Variants in DCC observed in about 807,000 individuals in gnomAD.
The protein encoded by DCC is DCC netrin 1 receptor.
Under a neutral mutation model 172.5 loss-of-function variants are expected in DCC, and 58 were observed. The observed-to-expected ratio is 0.34, with a 90% confidence interval of 0.27 to 0.42. The LOEUF (loss-of-function observed/expected upper bound fraction) is 0.42, where lower values mean the gene tolerates loss of function less well. DCC is among the 10% of genes least tolerant of loss of function. The pLI, the probability that DCC is intolerant of heterozygous loss-of-function variation, is 1.00. For missense variants in DCC, 1,740 were observed against 1,791.0 expected (o/e 0.97, Z 0.51); for synonymous variants, 709 against 644.5 (o/e 1.10, Z -1.52).
At chr18:52,798,084 T>TTGCACGAAGGTTGCTTGC (rs1555664365) in intron 2 of DCC, among the ~76,000 whole-genome samples, 2 of 152,166 alleles carry the variant, frequency 1.3e-5, no homozygotes, top group South Asian at 2.1e-4. Context: ...GCACAAAGGC[T>TTGCACGAAGGTTGCTTGC]ACACATAGCA....
At chr18:53,339,953 T>C (rs1230420674) in intron 15 of DCC, 46 bp downstream of exon 15, 2 of 1,531,964 alleles carry the variant, frequency 1.3e-6, no homozygotes, top group Admixed American at 3.5e-5. Flanking sequence ...GAATTAATGA[T>C]TTATTTTGAA....
chr18:52,934,471 A>C (rs914221160), intron 5 of DCC, among the ~76,000 whole-genome samples: 1 of 152,108 alleles, frequency 6.6e-6, no homozygotes, highest in African/African-American at 2.4e-5. Context: ...GATCACTCAA[A>C]CCCTTAGATT....
intron 12 of DCC, among the ~76,000 whole-genome samples, chr18:53,239,277 T>G (rs1338499105): frequency 6.7e-6 from 1 of 149,860 alleles, no homozygotes; most frequent in East Asian, 1.9e-4. Context: ...ATTTTATAGT[T>G]ACAGAAACTG....
intron 1 of DCC, among the ~76,000 whole-genome samples, chr18:52,377,620 T>C (rs1270596478): frequency 7.0e-6 from 1 of 143,006 alleles, no homozygotes; most frequent in East Asian, 2.1e-4. Flanking sequence ...TTGCCACCCA[T>C]TGCAACAATT....
chr18:52,542,959 G>T lies in DCC; in HGVS notation c.91+202081G>T, dbSNP rs116395450. Reference sequence around the variant, plus strand: ...ATGTGTTAAATGCTATTGAATATTCGAAGCTGGGCTTAACCTGCCCTTTAG... The same window carrying T: ...ATGTGTTAAATGCTATTGAATATTCTAAGCTGGGCTTAACCTGCCCTTTAG... On this transcript the variant is annotated intron_variant, in intron 1 of 28. Coordinates refer to ENST00000442544, the MANE Select transcript of DCC (RefSeq NM_005215.4). Among the ~76,000 whole-genome samples, 363 of 152,288 alleles carry T rather than the reference G, an allele frequency of 2.4e-3. 1 individual carries two copies. The highest frequency in any genetic ancestry group is 8.5e-3 in the African/African-American group (354 of 41,564).
intron 7 of DCC, among the ~76,000 whole-genome samples, chr18:53,118,776 T>A (rs1357792555): frequency 6.6e-6 from 1 of 151,760 alleles, no homozygotes; most frequent in East Asian, 1.9e-4. Flanking sequence ...ATGACTGACA[T>A]TAACAGTTCA....
chr18:52,945,227 C>T (rs1277247591), intron 5 of DCC, among the ~76,000 whole-genome samples: 1 of 151,980 alleles, frequency 6.6e-6, no homozygotes, highest in African/African-American at 2.4e-5. Context: ...TAGGTTTTAA[C>T]AAGAAAAAAT....
chr18:52,652,737 T>TGTGTGTGTGTGTGTGTGTGG lies in DCC; in HGVS notation c.92-99314_92-99313insTGTGTGTGTGTGTGTGGGTG, dbSNP rs971665914. ...GTGTGTGTGTGTGTGTGTGTGTGTG[T>TGTGTGTGTGTGTGTGTGTGG]GTGGGTGGAGGAGGAGTGGTTTGAT... On this transcript the variant is annotated intron_variant, in intron 1 of 28. Transcript: ENST00000442544. 4.0e-5 allele frequency among the ~76,000 whole-genome samples: 6 copies of TGTGTGTGTGTGTGTGTGTGG among 151,830 alleles called. No homozygotes were observed. The South Asian group carries it at 1.3e-3, about 32-fold the overall frequency.
At chr18:52,564,751 A>C (rs1384342610) in intron 1 of DCC, among the ~76,000 whole-genome samples, 2 of 151,880 alleles carry the variant, frequency 1.3e-5, no homozygotes, top group Non-Finnish European at 2.9e-5. Flanking sequence ...GTATACAAAT[A>C]CATAAAATTT....
intron 7 of DCC, among the ~76,000 whole-genome samples, chr18:53,096,252 T>G (rs2043086718): frequency 6.6e-6 from 1 of 152,152 alleles, no homozygotes; most frequent in South Asian, 2.1e-4. Flanking sequence ...GGCAGGAAGA[T>G]CGCTTGAGCC....
At chr18:53,103,195 A>G (rs188164292) in intron 7 of DCC, among the ~76,000 whole-genome samples, 1 of 152,036 alleles carries the variant, frequency 6.6e-6, no homozygotes, top group Non-Finnish European at 1.5e-5. Flanking sequence ...ACATAATTAC[A>G]TGATCATAAC....
intron 27 of DCC, among the ~76,000 whole-genome samples, chr18:53,523,759 G>A (rs2046425248): frequency 6.6e-6 from 1 of 152,068 alleles, no homozygotes. Flanking sequence ...GCCTGTCGGA[G>A]GGCAGGGGGC....
At chr18:53,085,374 A>T (rs1174731704) in intron 7 of DCC, among the ~76,000 whole-genome samples, 1 of 152,132 alleles carries the variant, frequency 6.6e-6, no homozygotes, top group Admixed American at 6.6e-5. Context: ...ATAATTAAGG[A>T]TCTTTACCAG....
chr18:53,455,287 C>T (rs372142069), intron 23 of DCC, among the ~76,000 whole-genome samples: 7 of 152,184 alleles, frequency 4.6e-5, no homozygotes, highest in African/African-American at 1.4e-4. Flanking sequence ...CTTTAGCAGA[C>T]GATGCCTGAG....
At chr18:52,823,732 T>C (rs913105388) in intron 2 of DCC, among the ~76,000 whole-genome samples, 1 of 152,208 alleles carries the variant, frequency 6.6e-6, no homozygotes, top group Non-Finnish European at 1.5e-5. Flanking sequence ...TTTTCATACT[T>C]GGTGTCTGTG....
intron 7 of DCC, among the ~76,000 whole-genome samples, chr18:53,138,617 A>G (rs1228659587): frequency 6.6e-6 from 1 of 152,230 alleles, no homozygotes; most frequent in Non-Finnish European, 1.5e-5. Context: ...TCTTAATTTT[A>G]TCATGTACAA....
intron 7 of DCC, among the ~76,000 whole-genome samples, chr18:53,072,821 A>T (rs1250329579): frequency 1.3e-5 from 2 of 152,228 alleles, no homozygotes; most frequent in Non-Finnish European, 2.9e-5. Context: ...GACAGAGCAC[A>T]GACTTTGGAG....
chr18:52,907,864 A>G (rs949429430), intron 3 of DCC, among the ~76,000 whole-genome samples: 5 of 152,202 alleles, frequency 3.3e-5, no homozygotes, highest in Non-Finnish European at 7.3e-5. Context: ...AGTAATTACA[A>G]TAGGGTGTGA....
intron 7 of DCC, among the ~76,000 whole-genome samples, chr18:53,145,018 C>G (rs2043884584): frequency 6.7e-6 from 1 of 148,526 alleles, no homozygotes; most frequent in Admixed American, 6.8e-5. Context: ...TTGCGTCCCT[C>G]TAAAATTCAT....
Sources: gnomAD v4.1 joint callset for allele counts (sites outside exome capture counted in the v4.1 genomes callset) on GRCh38, gnomAD v4.1.1 for gene constraint, MANE v1.5 for transcripts, NCBI Gene and HGNC (gene_info 2026-07-23, HGNC 2026-07-21) for gene names.